The following DLG2 variants were observed in gnomAD, a reference collection of about 807,000 sequenced individuals.
DLG2 encodes the protein discs large MAGUK scaffold protein 2.
In DLG2, 45 loss-of-function variants were observed where a neutral mutation model predicts 132.5. The ratio of observed to expected loss-of-function variants is 0.34; its 90% CI spans 0.27 to 0.44. DLG2 has a LOEUF of 0.44. Ranked by LOEUF, DLG2 falls within the 20% of genes least tolerant of loss-of-function variation. DLG2 has a pLI of 1.00. For missense variants in DLG2, 1,045 were observed against 1,196.9 expected, an observed-to-expected ratio of 0.87 and a Z score of 1.87; for synonymous variants, 424 against 419.6, an observed-to-expected ratio of 1.01 and a Z score of -0.13.
chr11:84,264,118 G>A (rs985752200), intron 7 of DLG2, among the ~76,000 whole-genome samples: 3 of 152,248 alleles, frequency 2.0e-5, no homozygotes, highest in Non-Finnish European at 2.9e-5. Flanking sequence ...AAAAGGAGAC[G>A]TGAATGGGGA....
At chr11:85,231,970 G>T (rs1391926825) in intron 4 of DLG2, among the ~76,000 whole-genome samples, 1 of 151,710 alleles carries the variant, frequency 6.6e-6, no homozygotes, top group East Asian at 1.9e-4. Flanking sequence ...AACAAGACTA[G>T]GCAGTATTTC....
intron 3 of DLG2, among the ~76,000 whole-genome samples, chr11:85,394,171 T>G (rs1348149664): frequency 6.6e-6 from 1 of 152,228 alleles, no homozygotes; most frequent in Non-Finnish European, 1.5e-5. Flanking sequence ...TCTAAATAAC[T>G]ATAAGATGTA....
At chr11:83,779,308 T>A (rs2094712458) in intron 18 of DLG2, among the ~76,000 whole-genome samples, 1 of 152,098 alleles carries the variant, frequency 6.6e-6, no homozygotes. Context: ...TTGAAAAAAA[T>A]AACTATTTCC....
intron 27 of DLG2, among the ~76,000 whole-genome samples, chr11:83,460,371 G>A (rs1255301574): frequency 2.6e-5 from 4 of 152,124 alleles, no homozygotes; most frequent in Admixed American, 6.5e-5. Context: ...TGTAGACACC[G>A]AGGAAATAAT....
At chr11:84,843,539 T>C (rs748527852) in intron 6 of DLG2, among the ~76,000 whole-genome samples, 3 of 151,874 alleles carry the variant, frequency 2.0e-5, no homozygotes, top group Admixed American at 6.6e-5. Context: ...ATATAAAAAG[T>C]GTCCTTGGGG....
At chr11:84,236,964 T>C (rs886418840) in intron 8 of DLG2, among the ~76,000 whole-genome samples, 1 of 149,906 alleles carries the variant, frequency 6.7e-6, no homozygotes, top group Admixed American at 6.7e-5. Context: ...AGTCTCACTC[T>C]GTCACTCAGG....
chr11:83,487,924 G>T (rs1404892741), intron 21 of DLG2, among the ~76,000 whole-genome samples: 2 of 151,956 alleles, frequency 1.3e-5, no homozygotes, highest in African/African-American at 4.8e-5. Flanking sequence ...GGGATAGTGG[G>T]CACAGAGATT....
intron 6 of DLG2, among the ~76,000 whole-genome samples, chr11:84,708,827 A>G (rs1780247992): frequency 6.6e-6 from 1 of 151,940 alleles, no homozygotes; most frequent in Admixed American, 6.6e-5. Flanking sequence ...AAATTCAAAA[A>G]AGGTGTATTT....
chr11:84,588,385 G>A (rs753916838), intron 6 of DLG2, among the ~76,000 whole-genome samples: 2 of 152,040 alleles, frequency 1.3e-5, no homozygotes, highest in Non-Finnish European at 2.9e-5. Context: ...TGTATTCTTA[G>A]TGTTTCTATG....
chr11:84,650,428 T>C (rs1296523360), intron 6 of DLG2, among the ~76,000 whole-genome samples: 4 of 152,132 alleles, frequency 2.6e-5, no homozygotes, highest in Non-Finnish European at 4.4e-5. Flanking sequence ...TATGGAGAAA[T>C]TGGACATCTT....
At chr11:84,239,512 T>C (rs1000864504) in intron 8 of DLG2, among the ~76,000 whole-genome samples, 2 of 152,150 alleles carry the variant, frequency 1.3e-5, no homozygotes, top group African/African-American at 4.8e-5. Context: ...AGCACAATTG[T>C]ATCTGGTGAA....
intron 6 of DLG2, among the ~76,000 whole-genome samples, chr11:84,747,548 A>G (rs1355158745): frequency 1.3e-5 from 2 of 152,204 alleles, no homozygotes; most frequent in East Asian, 3.9e-4. Context: ...CAGTAAAATG[A>G]GAATAAAATT....
At chr11:83,583,328 A>G (rs567624746) in intron 19 of DLG2, among the ~76,000 whole-genome samples, 2 of 152,216 alleles carry the variant, frequency 1.3e-5, no homozygotes, top group Non-Finnish European at 2.9e-5. Flanking sequence ...CCCCTCACAC[A>G]TGCTCATGAA....
At chr11:85,598,201 T>C (rs1033965753) in intron 3 of DLG2, among the ~76,000 whole-genome samples, 6 of 152,048 alleles carry the variant, frequency 3.9e-5, no homozygotes, top group African/African-American at 1.2e-4. Flanking sequence ...GCAAGAAAGA[T>C]GAAAAGATGT....
intron 10 of DLG2, among the ~76,000 whole-genome samples, chr11:84,071,510 T>C (rs1566343206): frequency 6.6e-6 from 1 of 152,042 alleles, no homozygotes; most frequent in Non-Finnish European, 1.5e-5. Context: ...GGCTCAATTA[T>C]CCTCCTGCCT....
intron 7 of DLG2, among the ~76,000 whole-genome samples, chr11:84,463,523 C>A (rs1204584168): frequency 6.6e-6 from 1 of 151,194 alleles, no homozygotes; most frequent in Non-Finnish European, 1.5e-5. Flanking sequence ...CTCAACACCG[C>A]TTGAGACAAG....
At position 84,803,889 on chromosome 11, in the gene DLG2, T is replaced by C. The variant is rs147954565; in HGVS notation, c.358-269158A>G. ...AACAGAGACCTAGGCTATCCTGTTC[T>C]GCTTTATGTCTAGTATTTCCTAGAA... is the stretch of plus-strand genomic sequence containing the variant. On this transcript the variant is annotated intron_variant, in intron 6 of 27. Coordinates refer to ENST00000376104, the MANE Select transcript of DLG2 (RefSeq NM_001142699.3). Among the ~76,000 whole-genome samples, 147 of 152,360 alleles carry C rather than the reference T, an allele frequency of 9.6e-4. 2 individuals are homozygous for C. Among genetic ancestry groups the C allele is most frequent in the Middle Eastern group, 6.8e-3 (2 of 294 alleles).
intron 6 of DLG2, among the ~76,000 whole-genome samples, chr11:84,621,897 G>C (rs553301449): frequency 6.6e-6 from 1 of 152,234 alleles, no homozygotes; most frequent in African/African-American, 2.4e-5. Context: ...CATTGGGCTG[G>C]AAAACAATTC....
In DLG2 at chr11:84,928,262, G is replaced by A. The variant is rs34847366; in HGVS notation, c.357+183399C>T. Among the ~76,000 whole-genome samples the A allele has an allele frequency of 1.9e-4, 29 of 151,914 alleles. No homozygotes were observed. In the East Asian group the frequency reaches 4.8e-3, roughly 25 times the overall value. ...ACTCTAACAGCTCTTGGGCCTTTGA[G>A]TAAAAAAATAAAATAAAATAAAAAC... On this transcript the variant is annotated intron_variant, in intron 6 of 27. Transcript: ENST00000376104.
Sources: allele counts gnomAD v4.1 joint callset (sites outside exome capture counted in the v4.1 genomes callset), GRCh38; gene constraint gnomAD v4.1.1; transcripts MANE v1.5; gene names NCBI Gene and HGNC (gene_info 2026-07-23, HGNC 2026-07-21).